The following DSP variants were observed in gnomAD, a reference collection of about 807,000 sequenced individuals.
DSP encodes the protein desmoplakin.
Under a neutral mutation model 290.6 loss-of-function variants are expected in DSP, and 114 were observed. The ratio of observed to expected loss-of-function variants is 0.39; its 90% confidence interval spans 0.34 to 0.46. The LOEUF (loss-of-function observed/expected upper bound fraction) is 0.46. Ranked by LOEUF, DSP falls within the 20% of genes least tolerant of loss-of-function variation. The pLI, the probability that DSP is intolerant of heterozygous loss-of-function variation, is 0.99. For missense variants in DSP, 3,230 were observed against 3,495.8 expected (o/e 0.92, Z 1.92); for synonymous variants, 1,311 against 1,316.4 (o/e 1.00, Z 0.09).
At position 7,581,041 on chromosome 6, in the gene DSP, G is replaced by A. The variant is rs1759419936; in HGVS notation, c.4851G>A (p.Gln1617=). 6.2e-7 allele frequency: 1 copy of A among 1,614,040 alleles called. No homozygotes were observed. The highest frequency in any genetic ancestry group is 1.3e-5 in the African/African-American group (1 of 75,048). The change falls in exon 23 of 24, where the codon CAG becomes CAA. Residue 1617 remains glutamine (Q), a synonymous_variant. Transcript: ENST00000379802. ...CCATCAAAATCACCAACCTGACCCA[G>A]CAGCTGGAGCAGGCATCCATTGTTA... The part of the protein sequence containing the change: ...EQAIKITNLT[Q]QLEQASIVKK...
At position 7,573,314 on chromosome 6, in the gene DSP, C is replaced by T. The variant is rs182328695; in HGVS notation, c.2131-772C>T. Among the ~76,000 whole-genome samples the T allele has an allele frequency of 5.2e-3, 792 of 152,276 alleles. 5 individuals carry two copies. The highest frequency in any genetic ancestry group is 8.5e-3 in the Non-Finnish European group (577 of 68,028). On this transcript the variant is annotated intron_variant, in intron 15 of 23. Transcript: ENST00000379802. ...GATCCTGGGGCCAGGTGCGGTGGCT[C>T]ACGCCTGTAATCCCAGCACTTTGGG...
Position 7,563,749 on chromosome 6 carries a change from C to T in DSP, c.740C>T (p.Ala247Val), listed in dbSNP as rs544360130. The part of the protein sequence containing the change: ...KIKADLREKS[A>V]IYQLEEEYEN... ...GTTGTCTTCTAGCGCGAGAAATCTG[C>T]GATCTACCAGTTGGAGGAGGAGTAT... The change falls in exon 6 of 24, where the codon GCG becomes GTG. Residue 247 changes from alanine to valine, a missense_variant. Coordinates refer to ENST00000379802, the MANE Select transcript of DSP (RefSeq NM_004415.4). The T allele has an allele frequency of 8.1e-6, 13 of 1,613,266 alleles. No homozygotes were observed. In the African/African-American group the frequency reaches 9.3e-5, roughly 12 times the overall value.
chr6:7,553,236 C>G (rs565285646), intron 1 of DSP, among the ~76,000 whole-genome samples: 3 of 152,062 alleles, frequency 2.0e-5, no homozygotes, highest in African/African-American at 7.2e-5. Flanking sequence ...TCCCAAAGTG[C>G]GGGGATTACA....
chr6:7,570,326 A>T lies in DSP; in HGVS notation c.1575-111A>T. On this transcript the variant is annotated intron_variant, in intron 12 of 23. Transcript: ENST00000379802. ...AAGTTATACCTCTACCTGTTACTTT[A>T]TCAGTGACTGTTGTAGGTTTTTGTG... 3 of 1,509,416 alleles carry T rather than the reference A, an allele frequency of 2.0e-6. No homozygotes were observed. The African/African-American group carries it at 4.1e-5, about 21-fold the overall frequency. 93.5% of individuals were successfully genotyped at this position (1,509,416 alleles called of 1,614,324 possible).
chr6:7,572,940 G>T (rs190004833), intron 15 of DSP, among the ~76,000 whole-genome samples: 1 of 152,058 alleles, frequency 6.6e-6, no homozygotes, highest in African/African-American at 2.4e-5. Flanking sequence ...ATATCTAAAC[G>T]TCGAAAAGAT....
chr6:7,574,896 T>C, intron 17 of DSP, 101 bp downstream of exon 17: 1 of 1,550,568 alleles, frequency 6.4e-7, no homozygotes, highest in Non-Finnish European at 8.9e-7. Flanking sequence ...GTTTTGAGGA[T>C]TATTGGGTTT....
chr6:7,577,149 C>T lies in DSP; in HGVS notation c.2877+107C>T, dbSNP rs1759266312. Reference sequence around the variant, plus strand: ...ATACACTTCCTGAGGATAGCAATTACGGTCTGTATATATTCTTTTCTGAAC... The same window carrying T: ...ATACACTTCCTGAGGATAGCAATTATGGTCTGTATATATTCTTTTCTGAAC... On this transcript the variant is annotated intron_variant, in intron 20 of 23. Coordinates refer to ENST00000379802, the MANE Select transcript of DSP (RefSeq NM_004415.4). 2.3e-5 allele frequency: 19 copies of T among 822,838 alleles called. No homozygotes were observed. The South Asian group carries it at 2.7e-4, about 12-fold the overall frequency. 51.0% of individuals were successfully genotyped at this position (822,838 alleles called of 1,614,324 possible). A position where few individuals can be genotyped will look rare whatever the true frequency, so the allele number is the denominator to read the frequency against.
rs113876531 is a variant in DSP, at chr6:7,554,467, A to G, written c.171-1251A>G. On this transcript the variant is annotated intron_variant, in intron 1 of 23. Coordinates refer to ENST00000379802, the MANE Select transcript of DSP (RefSeq NM_004415.4). ...TAGGTGTCTTCCAGAAAAGTGCCTC[A>G]TTTGAAATGTACATTGAATGAGCTT... 5.6e-3 allele frequency among the ~76,000 whole-genome samples: 857 copies of G among 152,286 alleles called. 9 individuals are homozygous for G. The highest frequency in any genetic ancestry group is 0.019 in the African/African-American group (805 of 41,548).
chr6:7,566,206 C>T (rs1758859537), intron 7 of DSP, among the ~76,000 whole-genome samples, 171 bp from the exon 8 acceptor site: 1 of 152,188 alleles, frequency 6.6e-6, no homozygotes, highest in Non-Finnish European at 1.5e-5. Flanking sequence ...CTGTAGCAAA[C>T]ATCCTTTTCA....
chr6:7,560,696 AG>A (rs1394350744), intron 4 of DSP, among the ~76,000 whole-genome samples: 9 of 152,222 alleles, frequency 5.9e-5, no homozygotes, highest in African/African-American at 2.2e-4. Flanking sequence ...GAACAGTCAC[AG>A]GAAGACATAG....
intron 1 of DSP, among the ~76,000 whole-genome samples, chr6:7,549,282 T>C (rs1399538449): frequency 2.0e-5 from 3 of 152,170 alleles, no homozygotes; most frequent in Non-Finnish European, 4.4e-5. Context: ...CCTGAGTAGC[T>C]GGGATTACAG....
Position 7,581,392 on chromosome 6 carries a change from G to C in DSP, c.5202G>C (p.Leu1734=), listed in dbSNP as rs755220841. ...LRNLRLEYDD[L]RRGRSEADSD... ...ACCTGAGGCTGGAGTACGATGACCT[G>C]AGGAGAGGACGAAGCGAAGCGGACA... is the stretch of plus-strand genomic sequence containing the variant. Residue 1734 remains leucine, a synonymous_variant, in exon 23 of 24, where the codon CTG becomes CTC. Transcript: ENST00000379802. 4.3e-6 allele frequency: 7 copies of C among 1,614,006 alleles called. No individual in the cohort carries two copies. The Admixed American group carries it at 1.2e-4, about 27-fold the overall frequency.
At chr6:7,555,948 T>C in intron 2 of DSP, 128 bp downstream of exon 2, 1 of 791,470 alleles carries the variant, frequency 1.3e-6, no homozygotes, top group South Asian at 1.5e-5. Context: ...ACACGCTTTT[T>C]CAGAACAGAC....
chr6:7,541,978 G>T lies in DSP; in HGVS notation c.63G>T (p.Glu21Asp), dbSNP rs770404661. The change falls in exon 1 of 24, where the codon GAG becomes GAT. Residue 21 changes from glutamate (E) to aspartate (D), a missense_variant. Physicochemically the swap from Glu to Asp is conservative, Grantham distance 45. Transcript: ENST00000379802. ...CTCTGGGCCGCATGATCCGCGCCGA[G>T]TCTGGCCCGGACCTGCGCTACGAGG... ...INTLGRMIRA[E>D]SGPDLRYEVT... is the part of the protein sequence containing the mutation. 4 of 1,605,014 alleles carry T rather than the reference G, an allele frequency of 2.5e-6. No individual in the cohort carries two copies. The highest frequency in any genetic ancestry group is 2.5e-6 in the Non-Finnish European group (3 of 1,176,902).
In DSP at chr6:7,562,440, C is replaced by T. The variant is rs116520706; in HGVS notation, c.598-212C>T. ...TCCCATTTCTAAATTTCCTTCTCTG[C>T]CCATCTTGAGCTGGGGTCAAGCAAG... On this transcript the variant is annotated intron_variant, in intron 4 of 23. Transcript: ENST00000379802. Among the ~76,000 whole-genome samples, 711 of 150,968 alleles carry T rather than the reference C, an allele frequency of 4.7e-3. 8 individuals are homozygous for T. The highest frequency in any genetic ancestry group is 0.016 in the African/African-American group (665 of 40,972).
chr6:7,559,454 A>G, intron 4 of DSP, 54 bp downstream of exon 4: 1 of 1,606,656 alleles, frequency 6.2e-7, no homozygotes, highest in Non-Finnish European at 8.5e-7. Flanking sequence ...TTCCAGCACG[A>G]TGGGGTCAGC....
chr6:7,541,927 C>G lies in DSP; in HGVS notation c.12C>G (p.Asn4Lys), dbSNP rs368802003. Reference sequence around the variant, plus strand: ...GATTGCCCGCCGACATGAGCTGCAACGGAGGCTCCCACCCGCGGATCAACA... The same window carrying G: ...GATTGCCCGCCGACATGAGCTGCAAGGGAGGCTCCCACCCGCGGATCAACA... MSCNGGSHPRINTL... is the reference protein window; with the variant it reads MSCKGGSHPRINTL... Residue 4 changes from asparagine to lysine, a missense_variant, in exon 1 of 24, where the codon AAC becomes AAG. This residue lies in a region of DSP where 646 missense variants were observed against 684.3 expected (regional missense o/e 0.94). Coordinates refer to ENST00000379802, the MANE Select transcript of DSP (RefSeq NM_004415.4). 1,832 of 1,608,092 alleles carry G rather than the reference C, an allele frequency of 1.1e-3. 35 individuals are homozygous for G. In the Admixed American group the frequency reaches 0.029, roughly 26 times the overall value.
Position 7,582,660 on chromosome 6 carries a change from G to C in DSP, c.5398G>C (p.Glu1800Gln). ...ATTCCAGGCATCTAATAGGATTCAG[G>C]AATCAAAGAATCAGTGTACTCAGGT... The part of the protein sequence containing the change: ...QALEASNRIQ[E>Q]SKNQCTQVVQ... Residue 1800 changes from glutamate (E) to glutamine (Q), a missense_variant, in exon 24 of 24, where the codon GAA becomes CAA. Around this residue, in one of 5 missense-constraint regions of DSP, gnomAD observed 1,714 missense variants for 1,844.5 expected, o/e 0.93. Coordinates refer to ENST00000379802, the MANE Select transcript of DSP (RefSeq NM_004415.4). The surrounding 1 kb of genome is among the most constrained non-coding windows in gnomAD (Gnocchi z 4.2). 1 of 1,613,496 alleles carries C rather than the reference G, an allele frequency of 6.2e-7. No individual in the cohort carries two copies. Among genetic ancestry groups the C allele is most frequent in the Non-Finnish European group, 8.5e-7 (1 of 1,179,878 alleles).
chr6:7,560,128 A>G (rs984003219), intron 4 of DSP, among the ~76,000 whole-genome samples: 1 of 152,246 alleles, frequency 6.6e-6, no homozygotes, highest in Non-Finnish European at 1.5e-5. Flanking sequence ...TGGGAATTTT[A>G]TAATGAAAAC....
Sources: gnomAD v4.1 joint callset for allele counts (sites outside exome capture counted in the v4.1 genomes callset) on GRCh38, gnomAD v4.1.1 for gene constraint, gnomAD v4.1.1 regional missense constraint, Gnocchi (gnomAD v3.1) non-coding constraint, MANE v1.5 for transcripts, NCBI Gene and HGNC (gene_info 2026-07-23, HGNC 2026-07-21) for gene names.